Variants in PBX1 observed in about 807,000 individuals in gnomAD.
PBX1 encodes pre-B-cell leukemia transcription factor 1.
In PBX1, 6 loss-of-function variants were observed where a neutral mutation model predicts 53.4. The observed-to-expected ratio is 0.11, with a 90% CI of 0.06 to 0.22. PBX1 has a LOEUF of 0.22. Ranked by LOEUF, PBX1 falls within the 10% of genes least tolerant of loss-of-function variation. The pLI, the probability that PBX1 is intolerant of heterozygous loss-of-function variation, is 1.00. For missense variants in PBX1, 251 were observed against 551.4 expected, an observed-to-expected ratio of 0.46 and a Z score of 5.46; for synonymous variants, 204 against 212.3, an observed-to-expected ratio of 0.96 and a Z score of 0.34.
At chr1:164,821,051 A>G (rs934958236) in intron 7 of PBX1, among the ~76,000 whole-genome samples, 3 of 152,222 alleles carry the variant, frequency 2.0e-5, no homozygotes, top group Non-Finnish European at 2.9e-5. Context: ...ACAACTGGCC[A>G]TCACTTAAGT....
intron 2 of PBX1, among the ~76,000 whole-genome samples, chr1:164,729,503 A>C (rs948570466): frequency 6.6e-6 from 1 of 152,224 alleles, no homozygotes; most frequent in African/African-American, 2.4e-5. Flanking sequence ...CATAATATAG[A>C]CATATACATA....
At chr1:164,652,683 A>G (rs969428525) in intron 2 of PBX1, among the ~76,000 whole-genome samples, 1 of 152,142 alleles carries the variant, frequency 6.6e-6, no homozygotes, top group Non-Finnish European at 1.5e-5. Context: ...AAGCTTGTGA[A>G]TTTTAAAACT....
chr1:164,586,271 G>A lies in PBX1; in HGVS notation c.265+22960G>A, dbSNP rs183198790. ...AAGACACATGTGCATGTATTTCATT[G>A]CTGTGCTAGAGGAAGCTGCTCATGG... On this transcript the variant is annotated intron_variant, in intron 2 of 8. Transcript: ENST00000420696. Among the ~76,000 whole-genome samples the A allele has an allele frequency of 3.9e-4, 60 of 152,324 alleles. 1 individual carries two copies. Among genetic ancestry groups the A allele is most frequent in the Middle Eastern group, 3.4e-3 (1 of 294 alleles).
intron 3 of PBX1, among the ~76,000 whole-genome samples, chr1:164,793,424 C>T (rs141815153): frequency 6.6e-6 from 1 of 152,320 alleles, no homozygotes; most frequent in East Asian, 1.9e-4. Context: ...CAGTGTTCTG[C>T]ATACTCAATT....
intron 4 of PBX1, among the ~76,000 whole-genome samples, chr1:164,801,988 C>T (rs140017030): frequency 1.0e-3 from 153 of 152,310 alleles, no homozygotes; most frequent in South Asian, 2.3e-3. Context: ...GTAAGAAAGA[C>T]ACACTCACTG....
intron 2 of PBX1, among the ~76,000 whole-genome samples, chr1:164,603,931 T>TTTTA (rs1656371442): frequency 3.4e-5 from 1 of 29,268 alleles, no homozygotes; most frequent in Non-Finnish European, 8.7e-5. Context: ...GTCATTTCAT[T>TTTTA]TTTTTTTTTT....
At chr1:164,602,319 C>T (rs377002099) in intron 2 of PBX1, among the ~76,000 whole-genome samples, 2 of 152,180 alleles carry the variant, frequency 1.3e-5, no homozygotes, top group South Asian at 2.1e-4. Context: ...CCTCACACCC[C>T]GCTCGGTTTC....
At chr1:164,787,001 A>G (rs557703970) in intron 2 of PBX1, among the ~76,000 whole-genome samples, 26 of 152,320 alleles carry the variant, frequency 1.7e-4, no homozygotes, top group African/African-American at 6.0e-4. Flanking sequence ...AATAAAAGGT[A>G]TAACTCTGAT....
intron 2 of PBX1, among the ~76,000 whole-genome samples, chr1:164,875,435 T>C (rs1353306223): frequency 6.6e-6 from 1 of 152,172 alleles, no homozygotes; most frequent in Non-Finnish European, 1.5e-5. Flanking sequence ...CCCTTGTAGC[T>C]GGGACTACAG....
chr1:164,874,374 T>A (rs1452855708), intron 2 of PBX1, among the ~76,000 whole-genome samples: 2 of 152,340 alleles, frequency 1.3e-5, no homozygotes, highest in Non-Finnish European at 2.9e-5. Context: ...ATGTATTAGA[T>A]CATGTATGTT....
intron 1 of PBX1, among the ~76,000 whole-genome samples, chr1:164,561,887 A>G (rs1653073887): frequency 6.6e-6 from 1 of 152,058 alleles, no homozygotes; most frequent in Admixed American, 6.6e-5. Flanking sequence ...ATAATAATAG[A>G]ATTAATTAAA....
At chr1:164,750,145 G>GGGGT (rs1666120623) in intron 2 of PBX1, among the ~76,000 whole-genome samples, 1 of 140,846 alleles carries the variant, frequency 7.1e-6, no homozygotes, top group East Asian at 2.1e-4. Context: ...GGGGCTAGTT[G>GGGGT]GTGTGTGTGT....
At chr1:164,586,688 A>G (rs1654968896) in intron 2 of PBX1, among the ~76,000 whole-genome samples, 1 of 152,194 alleles carries the variant, frequency 6.6e-6, no homozygotes, top group African/African-American at 2.4e-5. Context: ...TATAAAATCA[A>G]AGCAAGAGAA....
rs544016753 is a variant in PBX1, at chr1:164,667,062, G to T, written c.265+103751G>T. ...AGAGCCTGACATCGTGTCTGTCTTAGGATGGTTCTGCCCATTCTAGTTAAT... is the reference window on the plus strand; with the variant it reads ...AGAGCCTGACATCGTGTCTGTCTTATGATGGTTCTGCCCATTCTAGTTAAT... On this transcript the variant is annotated intron_variant, in intron 2 of 8. Transcript: ENST00000420696. Among the ~76,000 whole-genome samples, 7 of 152,266 alleles carry T rather than the reference G, an allele frequency of 4.6e-5. No individual in the cohort carries two copies. In the South Asian group the frequency reaches 1.5e-3, roughly 32 times the overall value.
At chr1:164,828,141 A>G (rs1365132024) in intron 8 of PBX1, among the ~76,000 whole-genome samples, 1 of 152,224 alleles carries the variant, frequency 6.6e-6, no homozygotes, top group African/African-American at 2.4e-5. Context: ...TTAATAATAT[A>G]ATAAAAAGCA....
chr1:164,663,800 G>A (rs1194213366), intron 2 of PBX1, among the ~76,000 whole-genome samples: 4 of 152,160 alleles, frequency 2.6e-5, no homozygotes, highest in Non-Finnish European at 4.4e-5. Flanking sequence ...GTACGTTAGG[G>A]GTGAACCCCA....
intron 2 of PBX1, among the ~76,000 whole-genome samples, chr1:164,786,014 A>G (rs1668155040): frequency 6.6e-6 from 1 of 152,084 alleles, no homozygotes; most frequent in African/African-American, 2.4e-5. Context: ...TTTGAAGTGG[A>G]TATGGAAGAG....
chr1:164,755,169 T>C (rs1268596445), intron 2 of PBX1, among the ~76,000 whole-genome samples: 1 of 152,174 alleles, frequency 6.6e-6, no homozygotes, highest in Non-Finnish European at 1.5e-5. Flanking sequence ...CTAGACATCC[T>C]GCTACACTTG....
At chr1:164,609,198 G>C (rs1656744963) in intron 2 of PBX1, among the ~76,000 whole-genome samples, 1 of 151,710 alleles carries the variant, frequency 6.6e-6, no homozygotes, top group Admixed American at 6.6e-5. Context: ...ACACTACACT[G>C]ATGTACAGGA....
Sources: allele counts gnomAD v4.1 joint callset (sites outside exome capture counted in the v4.1 genomes callset), GRCh38; gene constraint gnomAD v4.1.1; transcripts MANE v1.5; gene names NCBI Gene and HGNC (gene_info 2026-07-23, HGNC 2026-07-21).